The following IRX6 variants were observed in gnomAD, a reference collection of about 807,000 sequenced individuals.
IRX6 encodes the protein iroquois-class homeodomain protein IRX-6.
In IRX6, 46 loss-of-function variants were observed where a neutral mutation model predicts 47.7. That is an observed-to-expected ratio of 0.96 (90% CI 0.76 to 1.23). IRX6 has a LOEUF of 1.23. Among genes scored for constraint, IRX6 ranks in the 50% most tolerant of loss-of-function variants. IRX6 has a pLI of 0.00. For synonymous variants in IRX6, 265 were observed against 246.2 expected (o/e 1.08, Z -0.72); for missense variants, 722 against 588.0 (o/e 1.23, Z -2.36).
Position 55,327,779 on chromosome 16 carries a change from C to T in IRX6, c.607C>T (p.Arg203Cys), listed in dbSNP as rs555631263. The change falls in exon 4 of 6, where the codon CGC becomes TGC. Residue 203 changes from arginine (R) to cysteine (C), a missense_variant. Transcript: ENST00000290552. Reference sequence around the variant, plus strand: ...CACCTGGTTCGCCAACGCACGCCGGCGCCTCAAGAAAGAGAACAAAATGAC... The same window carrying T: ...CACCTGGTTCGCCAACGCACGCCGGTGCCTCAAGAAAGAGAACAAAATGAC... ...VSTWFANARRRLKKENKMTWA... is the reference protein window; with the variant it reads ...VSTWFANARRCLKKENKMTWA... The T allele has an allele frequency of 7.2e-5, 116 of 1,612,352 alleles. No homozygotes were observed. Among genetic ancestry groups the T allele is most frequent in the Admixed American group, 6.2e-4 (37 of 59,990 alleles).
At chr16:55,326,048 C>T (rs532816029) in intron 1 of IRX6, 22 of 436,526 alleles carry the variant, frequency 5.0e-5, no homozygotes, top group African/African-American at 2.6e-4. Flanking sequence ...TCTTTAATTC[C>T]GGTTTCAAAA....
rs1233174108 is a variant in IRX6, at chr16:55,326,556, C to T, written c.266C>T (p.Pro89Leu). ...GCCCAGAGCTACCCTGGCTACCTGC[C>T]CTATAGCCCAGAGCCCCCCTCACTG... ...AAAQSYPGYL[P>L]YSPEPPSLYG... The change falls in exon 2 of 6, where the codon CCC becomes CTC. Residue 89 changes from proline (P) to leucine (L), a missense_variant. Physicochemically the swap from Pro to Leu is moderately conservative, Grantham distance 98 (BLOSUM62 -3). Transcript: ENST00000290552. The T allele has an allele frequency of 2.5e-6, 4 of 1,576,098 alleles. No individual in the cohort carries two copies. The highest frequency in any genetic ancestry group is 1.7e-4 in the Middle Eastern group (1 of 6,004).
At chr16:55,328,297 A>T (rs1202926038) in intron 4 of IRX6, among the ~76,000 whole-genome samples, 1 of 152,170 alleles carries the variant, frequency 6.6e-6, no homozygotes, top group East Asian at 1.9e-4. Flanking sequence ...TAATACCTAA[A>T]TGATGGCTGG....
In IRX6 at chr16:55,329,279, T is replaced by C; in HGVS notation, c.1301T>C (p.Val434Ala). Reference sequence around the variant, plus strand: ...CCGTGCCCGCGGAGGAGCGAGCCTGTAGTGCAGTGCCAGTACCCGTCTGGA... The same window carrying C: ...CCGTGCCCGCGGAGGAGCGAGCCTGCAGTGCAGTGCCAGTACCCGTCTGGA... ...CAPCPRRSEPVVQCQYPSGAE... is the reference protein window; with the variant it reads ...CAPCPRRSEPAVQCQYPSGAE... The change falls in exon 5 of 6, where the codon GTA (valine) becomes GCA (alanine). Residue 434 changes from valine to alanine, a missense_variant. Val to Ala is a moderately conservative substitution (Grantham distance 64). Transcript: ENST00000290552. 6.2e-7 allele frequency: 1 copy of C among 1,611,938 alleles called. No individual in the cohort carries two copies. Among genetic ancestry groups the C allele is most frequent in the Non-Finnish European group, 8.5e-7 (1 of 1,179,420 alleles).
In IRX6 at chr16:55,327,661, C is replaced by G. The variant is rs941542111; in HGVS notation, c.489C>G (p.Ala163=). The G allele has an allele frequency of 6.2e-7, 1 of 1,612,356 alleles. No homozygotes were observed. Among genetic ancestry groups the G allele is most frequent in the African/African-American group, 1.3e-5 (1 of 74,868 alleles). ...ATRETTSTLK[A]WLNEHRKNPY... The stretch of plus-strand genomic sequence containing the variant: ...GGGAGACCACCAGTACACTCAAGGC[C>G]TGGCTCAACGAGCACCGCAAAAACC... Residue 163 remains alanine (A), a synonymous_variant, in exon 4 of 6, where the codon GCC becomes GCG. Coordinates refer to ENST00000290552, the MANE Select transcript of IRX6 (RefSeq NM_024335.3).
Position 55,327,567 on chromosome 16 carries a change from G to T in IRX6, c.414-19G>T. 6.3e-7 allele frequency: 1 copy of T among 1,583,016 alleles called. No individual in the cohort carries two copies. Among genetic ancestry groups the T allele is most frequent in the Non-Finnish European group, 8.6e-7 (1 of 1,164,454 alleles). ...TCCTTGTTCCTCTTCTATAATGTGA[G>T]CCAGGTTCTCCCCCACAGGTATGGC... On this transcript the variant is annotated intron_variant, in intron 3 of 5. Transcript: ENST00000290552.
rs752482009 is a variant in IRX6, at chr16:55,328,724, G to A, written c.746G>A (p.Arg249Gln). The A allele has an allele frequency of 1.2e-6, 2 of 1,612,738 alleles. No individual in the cohort carries two copies. The highest frequency in any genetic ancestry group is 1.1e-5 in the South Asian group (1 of 91,056). Reference protein sequence around the residue: ...TKEVTASQEARGLRLSDLEDL... With the variant: ...TKEVTASQEAQGLRLSDLEDL... Reference sequence around the variant, plus strand: ...GAAGTTACTGCTAGCCAGGAGGCCCGGGGGCTCCGGCTGAGTGACCTGGAA... The same window carrying A: ...GAAGTTACTGCTAGCCAGGAGGCCCAGGGGCTCCGGCTGAGTGACCTGGAA... The change falls in exon 5 of 6, where the codon CGG becomes CAG. Residue 249 changes from arginine (R) to glutamine (Q), a missense_variant. Transcript: ENST00000290552.
At chr16:55,327,985 T>C in intron 4 of IRX6, 92 bp downstream of exon 4, 1 of 1,309,212 alleles carries the variant, frequency 7.6e-7, no homozygotes, top group East Asian at 2.4e-5. Context: ...GTAGATTTTC[T>C]GGAAGGTCCT....
rs79122224 is a variant in IRX6, at chr16:55,326,581, G to T, written c.291G>T (p.Leu97=). The T allele has an allele frequency of 0.019, 30,022 of 1,555,808 alleles. 338 individuals carry two copies. Among genetic ancestry groups the T allele is most frequent in the Middle Eastern group, 0.034 (200 of 5,962 alleles). Residue 97 remains leucine, a synonymous_variant, in exon 2 of 6, where the codon CTG becomes CTT. Coordinates refer to ENST00000290552, the MANE Select transcript of IRX6 (RefSeq NM_024335.3). ...YLPYSPEPPS[L]YGALNPQYEF... is the part of the protein sequence containing the mutation. ...CCTATAGCCCAGAGCCCCCCTCACT[G>T]TATGGGGCACTGGTGAGTACAGGGG...
rs2142267622 is a variant in IRX6 at position 55,326,460 on chromosome 16, T to C, written c.170T>C (p.Leu57Pro). ...LCCAPYDSRL[L>P]GSARPELGAA... ...TGCGCACCCTACGATAGTCGACTGC[T>C]GGGCAGTGCGCGACCGGAGCTGGGC... Residue 57 changes from leucine to proline, a missense_variant, in exon 2 of 6, where the codon CTG becomes CCG. Physicochemically the swap from Leu to Pro is moderately conservative, Grantham distance 98 (BLOSUM62 -3). Coordinates refer to ENST00000290552, the MANE Select transcript of IRX6 (RefSeq NM_024335.3). 2 of 1,613,774 alleles carry C rather than the reference T, an allele frequency of 1.2e-6. No homozygotes were observed. The highest frequency in any genetic ancestry group is 2.2e-5 in the East Asian group (1 of 44,850).
rs1960484702 is a variant in IRX6, at chr16:55,325,063, A to AAG, written c.-21_-20dup. On this transcript the variant is annotated 5_prime_UTR_variant, in exon 1 of 6. Coordinates refer to ENST00000290552, the MANE Select transcript of IRX6 (RefSeq NM_024335.3). ...GGGCTGAGACGGGAACTCGACAGGG[A>AAG]AGAGAGAGACGGGCCAGGGACAGCC... 1 of 1,613,280 alleles carries AAG rather than the reference A, an allele frequency of 6.2e-7. No individual in the cohort carries two copies. The highest frequency in any genetic ancestry group is 1.3e-5 in the African/African-American group (1 of 74,914).
chr16:55,325,530 G>GGAAGGAGAGA (rs1491427085), intron 1 of IRX6, among the ~76,000 whole-genome samples: 1 of 9,084 alleles, frequency 1.1e-4, no homozygotes, highest in Non-Finnish European at 1.8e-4. Flanking sequence ...AAGGAAGGAA[G>GGAAGGAGAGA]GAGAGAGAGA....
chr16:55,325,260 G>A, intron 1 of IRX6, 124 bp downstream of exon 1: 1 of 885,356 alleles, frequency 1.1e-6, no homozygotes, highest in African/African-American at 1.6e-5. Flanking sequence ...CAAGGACCAG[G>A]GTAATGTGTC....
chr16:55,326,094 C>A (rs1489982160), intron 1 of IRX6: 3 of 517,482 alleles, frequency 5.8e-6, no homozygotes, highest in Non-Finnish European at 1.0e-5. Flanking sequence ...GGCTCTGGGG[C>A]CTTAGCAATG....
rs1960481678 is a variant in IRX6 at position 55,324,911 on chromosome 16, G to A, written c.-181G>A. 1 of 632,376 alleles carries A rather than the reference G, an allele frequency of 1.6e-6. No homozygotes were observed. The highest frequency in any genetic ancestry group is 2.8e-6 in the Non-Finnish European group (1 of 359,362). 39.2% of individuals were successfully genotyped at this position (632,376 alleles called of 1,614,324 possible). A position where few individuals can be genotyped will look rare whatever the true frequency, so the allele number is the denominator to read the frequency against. On this transcript the variant is annotated 5_prime_UTR_variant, in exon 1 of 6. Transcript: ENST00000290552. The surrounding 1 kb of genome is among the most constrained non-coding windows in gnomAD (Gnocchi z 4.4). Reference sequence around the variant, plus strand: ...CCGGAGGGGCGCCTTCCGGAGCGCAGGGCTCGGCAGCCGGGCTGCCCTCGG... The same window carrying A: ...CCGGAGGGGCGCCTTCCGGAGCGCAAGGCTCGGCAGCCGGGCTGCCCTCGG...
intron 4 of IRX6, 65 bp from the exon 5 acceptor site, chr16:55,328,635 A>G: frequency 6.5e-7 from 1 of 1,538,036 alleles, no homozygotes; most frequent in Non-Finnish European, 8.8e-7. Context: ...CTTCTCGGGG[A>G]TGGACATTCC....
intron 1 of IRX6, 130 bp downstream of exon 1, chr16:55,325,266 G>A: frequency 1.2e-6 from 1 of 814,592 alleles, no homozygotes. Context: ...CCAGGGTAAT[G>A]TGTCACAGCC....
intron 1 of IRX6, chr16:55,325,821 A>G (rs1282562237): frequency 1.9e-5 from 3 of 155,126 alleles, no homozygotes; most frequent in African/African-American, 4.8e-5. Flanking sequence ...GCTTTTCTCT[A>G]GAGTTCTGAG....
chr16:55,329,616 T>A (rs528864770), intron 5 of IRX6, among the ~76,000 whole-genome samples: 205 of 152,288 alleles, frequency 1.3e-3, no homozygotes, highest in African/African-American at 4.2e-3. Context: ...TACTGCCAAA[T>A]CCACCAGGTG....
Sources: gnomAD v4.1 joint callset for allele counts (sites outside exome capture counted in the v4.1 genomes callset) on GRCh38, gnomAD v4.1.1 for gene constraint, Gnocchi (gnomAD v3.1) non-coding constraint, MANE v1.5 for transcripts, NCBI Gene and HGNC (gene_info 2026-07-23, HGNC 2026-07-21) for gene names.